MYO16: variants seen among roughly 807,000 people sequenced by gnomAD.
MYO16 encodes the protein myosin XVI.
In MYO16, 94 loss-of-function variants were observed where a neutral mutation model predicts 205.3. The ratio of observed to expected loss-of-function variants is 0.46; its 90% CI spans 0.39 to 0.54. MYO16 has a LOEUF of 0.54. Ranked by LOEUF, MYO16 falls within the 20% of genes least tolerant of loss-of-function variation. MYO16 has a pLI of 0.00. For missense variants in MYO16, 2,315 were observed against 2,387.5 expected (o/e 0.97, Z 0.63); for synonymous variants, 988 against 954.0 (o/e 1.04, Z -0.66).
intron 2 of MYO16, among the ~76,000 whole-genome samples, chr13:108,674,711 T>C (rs1046254706): frequency 2.0e-5 from 3 of 152,212 alleles, no homozygotes; most frequent in South Asian, 2.1e-4. Flanking sequence ...ATGTGATGTA[T>C]GTTAAGTACT....
At chr13:108,649,746 G>A (rs9587647) in intron 1 of MYO16, among the ~76,000 whole-genome samples, 3,775 of 152,216 alleles carry the variant, frequency 0.025, 151 homozygotes, top group African/African-American at 0.085. Flanking sequence ...AAAGCCAAGG[G>A]TGTTTAATGC....
At chr13:108,840,383 A>T (rs188267159) in intron 9 of MYO16, among the ~76,000 whole-genome samples, 1 of 152,238 alleles carries the variant, frequency 6.6e-6, no homozygotes, top group East Asian at 1.9e-4. Flanking sequence ...GGGCATAGAG[A>T]TGGGCTGCAA....
At chr13:108,982,845 T>C in intron 20 of MYO16, among the ~76,000 whole-genome samples, 1 of 152,150 alleles carries the variant, frequency 6.6e-6, no homozygotes, top group Non-Finnish European at 1.5e-5. Context: ...AAGTTTGAAA[T>C]TGTCAGTAAC....
chr13:108,973,741 TCTGACAGCACTTAAGAGAA>T (rs1407872986), intron 20 of MYO16, among the ~76,000 whole-genome samples: 4 of 152,176 alleles, frequency 2.6e-5, no homozygotes, highest in Non-Finnish European at 2.9e-5. Context: ...ATCCCTAGCA[TCTGACAGCACTTAAGAGAA>T]TGTTAGTGTC....
At chr13:109,023,571 A>G (rs62647039) in intron 23 of MYO16, among the ~76,000 whole-genome samples, 45,976 of 120,412 alleles carry the variant, frequency 0.38, 9,412 homozygotes, top group East Asian at 0.67. Context: ...ATACAAATAC[A>G]TGTATATATT....
intron 20 of MYO16, among the ~76,000 whole-genome samples, chr13:108,983,232 T>G (rs1006627808): frequency 5.9e-5 from 9 of 152,182 alleles, no homozygotes; most frequent in Non-Finnish European, 1.5e-5. Context: ...CATCTCTCCA[T>G]TCTCCTCTTT....
the MYO16 span, among the ~76,000 whole-genome samples, chr13:108,536,614 G>T: frequency 6.6e-6 from 1 of 152,022 alleles, no homozygotes; most frequent in African/African-American, 2.4e-5. Flanking sequence ...ACTTAATAAT[G>T]AAACTCTCAG....
chr13:108,773,219 A>G (rs1483258116), intron 4 of MYO16, among the ~76,000 whole-genome samples: 2 of 152,168 alleles, frequency 1.3e-5, no homozygotes, highest in Non-Finnish European at 2.9e-5. Context: ...GGAAGTTAAA[A>G]TGTTAGCATA....
At chr13:109,052,177 C>A in intron 24 of MYO16, 123 bp from the exon 25 acceptor site, 1 of 775,450 alleles carries the variant, frequency 1.3e-6, no homozygotes, top group Non-Finnish European at 2.1e-6. Flanking sequence ...CCTCAATCTG[C>A]TGAACGAATG....
At chr13:108,889,705 G>T (rs961614505) in intron 14 of MYO16, among the ~76,000 whole-genome samples, 5 of 152,124 alleles carry the variant, frequency 3.3e-5, no homozygotes, top group African/African-American at 1.2e-4. Flanking sequence ...TCCTAAGGTT[G>T]AAATAAAATA....
intron 8 of MYO16, among the ~76,000 whole-genome samples, chr13:108,821,658 C>T (rs867120049): frequency 5.3e-5 from 8 of 152,242 alleles, no homozygotes; most frequent in Non-Finnish European, 7.4e-5. Flanking sequence ...TACATGGACT[C>T]CCATGGCATA....
intron 4 of MYO16, among the ~76,000 whole-genome samples, chr13:108,746,467 A>G (rs921838461): frequency 5.9e-5 from 9 of 152,214 alleles, no homozygotes; most frequent in African/African-American, 2.2e-4. Flanking sequence ...ATAGATTAGT[A>G]GGGTGACTGT....
At chr13:108,868,954 GTTGGCACTT>G (rs1033171388) in intron 12 of MYO16, among the ~76,000 whole-genome samples, 6 of 151,352 alleles carry the variant, frequency 4.0e-5, no homozygotes, top group Non-Finnish European at 7.4e-5. Flanking sequence ...GGGACATTAT[GTTGGCACTT>G]TTGCATAAAA....
intron 1 of MYO16, among the ~76,000 whole-genome samples, chr13:108,615,644 T>A (rs1879324174): frequency 6.6e-6 from 1 of 152,148 alleles, no homozygotes. Context: ...TATTGATCCA[T>A]GCTGTCAGAT....
chr13:108,760,940 A>G (rs1279580214), intron 4 of MYO16, among the ~76,000 whole-genome samples: 2 of 152,112 alleles, frequency 1.3e-5, no homozygotes, highest in African/African-American at 2.4e-5. Flanking sequence ...GGCTTATTTC[A>G]CCTAATAATT....
intron 33 of MYO16, among the ~76,000 whole-genome samples, chr13:109,169,933 C>A (rs975829916): frequency 6.6e-6 from 1 of 152,132 alleles, no homozygotes; most frequent in Non-Finnish European, 1.5e-5. Flanking sequence ...TGATTGCTAT[C>A]CATGTGGAGC....
intron 2 of MYO16, among the ~76,000 whole-genome samples, chr13:108,699,098 A>C (rs7996666): frequency 0.17 from 18,743 of 108,216 alleles, 1,122 homozygotes; most frequent in South Asian, 0.18. Flanking sequence ...CTCTCTCTCT[A>C]TATATATATA....
chr13:109,035,584 T>C (rs1008449758), intron 23 of MYO16, among the ~76,000 whole-genome samples: 1 of 152,188 alleles, frequency 6.6e-6, no homozygotes, highest in African/African-American at 2.4e-5. Context: ...CTCAGGAGGC[T>C]GAGGCAGGAG....
At chr13:109,197,045 T>G (rs1256142429) in intron 34 of MYO16, among the ~76,000 whole-genome samples, 1 of 152,190 alleles carries the variant, frequency 6.6e-6, no homozygotes. Flanking sequence ...GTAAGTTTAT[T>G]TGATCCCTTA....
Sources: allele counts gnomAD v4.1 joint callset (sites outside exome capture counted in the v4.1 genomes callset), GRCh38; gene constraint gnomAD v4.1.1; transcripts MANE v1.5; gene names NCBI Gene and HGNC (gene_info 2026-07-23, HGNC 2026-07-21).